The following FER variants were observed in gnomAD, a reference collection of about 807,000 sequenced individuals.
FER encodes the protein FER tyrosine kinase, also known as tyrosine-protein kinase Fer.
Under a neutral mutation model 111.0 loss-of-function variants are expected in FER, and 63 were observed. The ratio of observed to expected loss-of-function variants is 0.57; its 90% confidence interval spans 0.46 to 0.70. The LOEUF (loss-of-function observed/expected upper bound fraction) is 0.70. FER is among the 30% of genes least tolerant of loss of function. The pLI, the probability that FER is intolerant of heterozygous loss-of-function variation, is 0.00. For missense variants in FER, 914 were observed against 954.0 expected, an observed-to-expected ratio of 0.96 and a Z score of 0.55; for synonymous variants, 327 against 313.9, an observed-to-expected ratio of 1.04 and a Z score of -0.44.
intron 15 of FER, 28 bp downstream of exon 15, chr5:109,044,823 GTATT>G: frequency 1.9e-6 from 2 of 1,073,528 alleles, no homozygotes; most frequent in African/African-American, 3.2e-5. Flanking sequence ...ATCAAAATAT[GTATT>G]TATTATGTAA....
chr5:109,051,900 G>T, intron 16 of FER: 1 of 1,567,616 alleles, frequency 6.4e-7, no homozygotes, highest in Non-Finnish European at 8.8e-7. Flanking sequence ...GATCTCTTTT[G>T]CAAGTGTGAA....
chr5:108,823,849 C>T (rs1759158962), intron 3 of FER, among the ~76,000 whole-genome samples: 1 of 152,088 alleles, frequency 6.6e-6, no homozygotes, highest in African/African-American at 2.4e-5. Context: ...AAAATCATTG[C>T]CAACAGCAGT....
chr5:108,818,671 G>A (rs911990453), intron 3 of FER, among the ~76,000 whole-genome samples: 3 of 152,178 alleles, frequency 2.0e-5, no homozygotes, highest in East Asian at 1.9e-4. Flanking sequence ...ATATTGGGGC[G>A]GTTAGATAAG....
chr5:108,872,341 G>A (rs1764681153), intron 8 of FER, 129 bp downstream of exon 8: 3 of 781,314 alleles, frequency 3.8e-6, no homozygotes, highest in East Asian at 3.1e-5. Flanking sequence ...AGAGTGACAT[G>A]TTTTGAGAAA....
intron 13 of FER, among the ~76,000 whole-genome samples, chr5:109,036,629 C>T (rs1002566322): frequency 1.2e-4 from 19 of 152,010 alleles, no homozygotes; most frequent in African/African-American, 4.6e-4. Flanking sequence ...TACTCCCCTC[C>T]TTTTTTTCTT....
intron 17 of FER, among the ~76,000 whole-genome samples, chr5:109,129,746 T>A (rs1752155256): frequency 6.6e-6 from 1 of 152,076 alleles, no homozygotes; most frequent in Non-Finnish European, 1.5e-5. Context: ...TAGGAATTAT[T>A]GAAATGTGTC....
chr5:108,858,677 T>C (rs1196539689), intron 5 of FER, among the ~76,000 whole-genome samples: 1 of 152,044 alleles, frequency 6.6e-6, no homozygotes, highest in Non-Finnish European at 1.5e-5. Context: ...TACACAAAAC[T>C]ACGATTATAT....
At chr5:109,021,144 G>T (rs1767871426) in intron 13 of FER, among the ~76,000 whole-genome samples, 1 of 151,858 alleles carries the variant, frequency 6.6e-6, no homozygotes, top group Non-Finnish European at 1.5e-5. Flanking sequence ...CCAAAAAGGT[G>T]AATATATATA....
At chr5:108,833,087 T>C (rs980637638) in intron 4 of FER, 144 bp downstream of exon 4, 5 of 627,748 alleles carry the variant, frequency 8.0e-6, no homozygotes, top group African/African-American at 5.7e-5. Flanking sequence ...TAATATCTTA[T>C]TGAACATAAA....
At chr5:108,811,043 G>C (rs1237952697) in intron 3 of FER, among the ~76,000 whole-genome samples, 2 of 152,208 alleles carry the variant, frequency 1.3e-5, no homozygotes, top group Non-Finnish European at 2.9e-5. Flanking sequence ...CAAGTACCTG[G>C]AGATCTGCCT....
intron 5 of FER, among the ~76,000 whole-genome samples, chr5:108,864,355 T>C (rs978203756): frequency 1.3e-5 from 2 of 152,136 alleles, no homozygotes; most frequent in African/African-American, 4.8e-5. Flanking sequence ...GGGAATTCTA[T>C]TTCTCATTCT....
At chr5:109,129,700 C>G (rs1752147682) in intron 17 of FER, among the ~76,000 whole-genome samples, 1 of 151,972 alleles carries the variant, frequency 6.6e-6, no homozygotes, top group Admixed American at 6.6e-5. Flanking sequence ...CTGATATGCT[C>G]TAGGCAGATG....
intron 13 of FER, among the ~76,000 whole-genome samples, chr5:109,013,848 T>C (rs1284044078): frequency 6.6e-6 from 1 of 151,168 alleles, no homozygotes; most frequent in Non-Finnish European, 1.5e-5. Flanking sequence ...GTGAGCATTT[T>C]TTCATGTGTT....
intron 10 of FER, among the ~76,000 whole-genome samples, chr5:108,924,210 T>A (rs1373589876): frequency 6.6e-6 from 1 of 151,224 alleles, no homozygotes; most frequent in Non-Finnish European, 1.5e-5. Flanking sequence ...TACAAAAAAA[T>A]TTAGCCAGGC....
chr5:108,879,619 A>AG (rs1457836681), intron 8 of FER, among the ~76,000 whole-genome samples: 1 of 136,308 alleles, frequency 7.3e-6, no homozygotes, highest in Admixed American at 7.2e-5. Context: ...CACACATTAC[A>AG]GGTTTTTTTT....
intron 14 of FER, among the ~76,000 whole-genome samples, chr5:109,042,069 A>C (rs572544862): frequency 6.6e-6 from 1 of 152,190 alleles, no homozygotes; most frequent in African/African-American, 2.4e-5. Flanking sequence ...ATGATGGGCC[A>C]TGAATTCCAG....
chr5:108,978,287 C>G (rs979184951), intron 13 of FER, among the ~76,000 whole-genome samples: 1 of 152,218 alleles, frequency 6.6e-6, no homozygotes, highest in Non-Finnish European at 1.5e-5. Context: ...TTCTAACATA[C>G]AAAAATCCTT....
chr5:109,009,301 G>A (rs1006236131), intron 13 of FER, among the ~76,000 whole-genome samples: 2 of 151,888 alleles, frequency 1.3e-5, no homozygotes, highest in Non-Finnish European at 2.9e-5. Flanking sequence ...CTCCCAAAGT[G>A]GTGGGATTAC....
intron 1 of FER, among the ~76,000 whole-genome samples, chr5:108,751,220 A>T (rs1750469692): frequency 1.3e-5 from 2 of 152,070 alleles, no homozygotes; most frequent in Admixed American, 1.3e-4. Flanking sequence ...ACAAACAAAA[A>T]AACCACAAAA....
Sources: allele counts gnomAD v4.1 joint callset (sites outside exome capture counted in the v4.1 genomes callset), GRCh38; gene constraint gnomAD v4.1.1; transcripts MANE v1.5; gene names NCBI Gene and HGNC (gene_info 2026-07-23, HGNC 2026-07-21).